The following GRAMD2B variants were observed in gnomAD, a reference collection of about 807,000 sequenced individuals.
The protein encoded by GRAMD2B is GRAM domain containing 2B, also known as GRAM domain-containing protein 2B.
A neutral mutation model predicts 59.2 loss-of-function variants in GRAMD2B; 41 were observed. The observed-to-expected ratio is 0.69, with a 90% confidence interval of 0.54 to 0.90. The LOEUF is 0.90. GRAMD2B is among the 40% of genes least tolerant of loss of function. The pLI is 0.00. For missense variants in GRAMD2B, 424 were observed against 500.5 expected (o/e 0.85, Z 1.46); for synonymous variants, 161 against 182.7 (o/e 0.88, Z 0.96).
chr5:126,400,222 G>C (rs1364615204), intron 1 of GRAMD2B, among the ~76,000 whole-genome samples: 1 of 151,796 alleles, frequency 6.6e-6, no homozygotes, highest in African/African-American at 2.4e-5. Context: ...GAGTATAGAA[G>C]AAAAAATAGA....
At chr5:126,371,387 G>T in exon 1 of GRAMD2B, 1 of 1,237,892 alleles carries the variant, frequency 8.1e-7, no homozygotes, top group Non-Finnish European at 1.0e-6. Flanking sequence ...TTATTTGGGA[G>T]ACTCAGAAAT....
At chr5:126,400,530 C>T (rs1051587363) in intron 1 of GRAMD2B, among the ~76,000 whole-genome samples, 1 of 152,070 alleles carries the variant, frequency 6.6e-6, no homozygotes, top group African/African-American at 2.4e-5. Flanking sequence ...TGAATTTTAC[C>T]ATATACTTAT....
chr5:126,473,793 G>A (rs966358117), intron 5 of GRAMD2B, among the ~76,000 whole-genome samples: 9 of 152,108 alleles, frequency 5.9e-5, no homozygotes, highest in East Asian at 1.9e-4. Context: ...CCAGTGATGC[G>A]TAGGACAGCA....
chr5:126,469,933 C>T (rs2126817437), intron 3 of GRAMD2B, 145 bp downstream of exon 3: 1 of 617,886 alleles, frequency 1.6e-6, no homozygotes, highest in East Asian at 2.7e-5. Context: ...AACAAACAGG[C>T]AGCAGTTCCT....
chr5:126,367,848 T>A (rs1754536259), upstream of GRAMD2B, among the ~76,000 whole-genome samples: 1 of 152,188 alleles, frequency 6.6e-6, no homozygotes, highest in Admixed American at 6.5e-5. Flanking sequence ...ACCTTCCCGG[T>A]TCACGCCATT....
intron 1 of GRAMD2B, among the ~76,000 whole-genome samples, chr5:126,464,473 C>G (rs147494402): frequency 0.01 from 1,570 of 152,252 alleles, 38 homozygotes; most frequent in African/African-American, 0.035. Context: ...CCCCTGCTTC[C>G]CAAGAGATCT....
At chr5:126,372,927 A>G (rs1290546366) in intron 1 of GRAMD2B, among the ~76,000 whole-genome samples, 5 of 152,180 alleles carry the variant, frequency 3.3e-5, no homozygotes, top group African/African-American at 4.8e-5. Context: ...GTATCAACAA[A>G]CAAATAAATA....
chr5:126,470,093 G>A (rs988643801), intron 3 of GRAMD2B, among the ~76,000 whole-genome samples: 1 of 152,168 alleles, frequency 6.6e-6, no homozygotes, highest in African/African-American at 2.4e-5. Flanking sequence ...TAATTGGCAG[G>A]ACAAGGGGAG....
At chr5:126,411,175 C>A (rs930891009) in intron 1 of GRAMD2B, among the ~76,000 whole-genome samples, 1 of 151,870 alleles carries the variant, frequency 6.6e-6, no homozygotes, top group African/African-American at 2.4e-5. Flanking sequence ...AAATTATTTC[C>A]CAAGGCCAAT....
chr5:126,425,695 A>G (rs1396675638), intron 1 of GRAMD2B, among the ~76,000 whole-genome samples: 1 of 152,190 alleles, frequency 6.6e-6, no homozygotes, highest in Non-Finnish European at 1.5e-5. Flanking sequence ...GAGCCCAGGC[A>G]GTTGAGGCTA....
At chr5:126,488,160 A>C (rs896768590) in intron 12 of GRAMD2B, among the ~76,000 whole-genome samples, 4 of 152,190 alleles carry the variant, frequency 2.6e-5, no homozygotes, top group Non-Finnish European at 5.9e-5. Flanking sequence ...GAACTAATAA[A>C]ATACAAAAGC....
rs750190362 is a variant in GRAMD2B at position 126,423,586 on chromosome 5, T to C, written c.-21T>C. On this transcript the variant is annotated 5_prime_UTR_variant, in exon 1 of 14. Transcript: ENST00000285689. Reference sequence around the variant, plus strand: ...AGCCAGGCGCGCGGAAGTCTGAAGGTGCCCTCCAGACACGGCCCCGATGAC... The same window carrying C: ...AGCCAGGCGCGCGGAAGTCTGAAGGCGCCCTCCAGACACGGCCCCGATGAC... 2 of 1,607,316 alleles carry C rather than the reference T, an allele frequency of 1.2e-6. No homozygotes were observed. The highest frequency in any genetic ancestry group is 1.1e-5 in the South Asian group (1 of 89,566).
At chr5:126,473,588 T>A (rs2126845453) in intron 5 of GRAMD2B, among the ~76,000 whole-genome samples, 1 of 152,300 alleles carries the variant, frequency 6.6e-6, no homozygotes. Flanking sequence ...CTCATTTGTT[T>A]ATACACATAT....
intron 1 of GRAMD2B, among the ~76,000 whole-genome samples, chr5:126,384,645 A>G (rs1375919740): frequency 1.3e-5 from 2 of 152,232 alleles, no homozygotes; most frequent in African/African-American, 4.8e-5. Flanking sequence ...CCTCTTAAGG[A>G]GAATTATCTG....
At chr5:126,483,671 A>G (rs905083974) in intron 9 of GRAMD2B, 97 bp downstream of exon 9, 8 of 659,138 alleles carry the variant, frequency 1.2e-5, no homozygotes, top group Non-Finnish European at 2.0e-5. Flanking sequence ...AAGAAAGAAA[A>G]AAACCCACAT....
upstream of GRAMD2B, among the ~76,000 whole-genome samples, chr5:126,366,630 C>T (rs191078591): frequency 6.6e-6 from 1 of 152,076 alleles, no homozygotes; most frequent in Admixed American, 6.5e-5. Flanking sequence ...TAGTTAAATC[C>T]CTTTCTAAAG....
intron 1 of GRAMD2B, among the ~76,000 whole-genome samples, chr5:126,426,974 C>T (rs982489324): frequency 1.3e-5 from 2 of 152,154 alleles, no homozygotes; most frequent in Non-Finnish European, 2.9e-5. Context: ...CTTTTGAGAT[C>T]CTAATTTTCT....
intron 13 of GRAMD2B, among the ~76,000 whole-genome samples, chr5:126,491,027 T>C (rs1423911286): frequency 6.6e-6 from 1 of 152,192 alleles, no homozygotes; most frequent in South Asian, 2.1e-4. Context: ...AGTCAGATAG[T>C]GTGAAGCTGG....
intron 1 of GRAMD2B, among the ~76,000 whole-genome samples, chr5:126,376,548 C>T (rs754105111): frequency 6.6e-6 from 1 of 152,152 alleles, no homozygotes; most frequent in Non-Finnish European, 1.5e-5. Flanking sequence ...CCTGCTGTTA[C>T]AAAAAGGACA....
Sources: allele counts gnomAD v4.1 joint callset (sites outside exome capture counted in the v4.1 genomes callset), GRCh38; gene constraint gnomAD v4.1.1; transcripts MANE v1.5; gene names NCBI Gene and HGNC (gene_info 2026-07-23, HGNC 2026-07-21).